Variants in SLC19A1 observed in about 807,000 individuals in gnomAD.
SLC19A1 encodes reduced folate transporter.
SLC19A1 carries 37 observed loss-of-function variants against 35.3 expected under a neutral mutation model. That is an observed-to-expected ratio of 1.05 (90% CI 0.81 to 1.38). SLC19A1 has a LOEUF of 1.38. SLC19A1 is among the 40% of genes most tolerant of loss of function. The pLI is 0.00. For missense variants in SLC19A1, 831 were observed against 826.9 expected (o/e 1.00, Z -0.06); for synonymous variants, 460 against 398.5 (o/e 1.15, Z -1.84).
intron 1 of SLC19A1, among the ~76,000 whole-genome samples, chr21:45,560,002 G>T (rs908353354): frequency 7.9e-5 from 12 of 152,184 alleles, no homozygotes; most frequent in Non-Finnish European, 1.6e-4. Flanking sequence ...GGGCCAAAAC[G>T]TCGGAAATGC....
In SLC19A1 at chr21:45,515,653, G is replaced by A. The variant is rs772298872; in HGVS notation, c.*5C>T. 80 of 1,613,164 alleles carry A rather than the reference G, an allele frequency of 5.0e-5. No homozygotes were observed. Among genetic ancestry groups the A allele is most frequent in the Non-Finnish European group, 6.1e-5 (72 of 1,180,002 alleles). On this transcript the variant is annotated 3_prime_UTR_variant, in exon 6 of 6. Transcript: ENST00000311124. Reference sequence around the variant, plus strand: ...CTGCAAAGTTACCACAGGGGCGCCCGAGAGTCACTGGTTCACATTCTGAAC... The same window carrying A: ...CTGCAAAGTTACCACAGGGGCGCCCAAGAGTCACTGGTTCACATTCTGAAC...
chr21:45,503,801 A>T (rs566434095), intron 3 of SLC19A1: 3 of 311,368 alleles, frequency 9.6e-6, no homozygotes, highest in African/African-American at 4.4e-5. Flanking sequence ...AATTTAAAAA[A>T]TTTAAAAATA....
At chr21:45,547,483 C>T (rs1435465688), upstream of SLC19A1, among the ~76,000 whole-genome samples, 1 of 152,238 alleles carries the variant, frequency 6.6e-6, no homozygotes, top group Non-Finnish European at 1.5e-5. Context: ...TGATAAGAAT[C>T]ATTTAGAATC....
downstream of SLC19A1, among the ~76,000 whole-genome samples, chr21:45,508,113 G>C (rs56388421): frequency 1.3e-5 from 2 of 149,680 alleles, no homozygotes; most frequent in Non-Finnish European, 1.5e-5. Flanking sequence ...GTGGTCAGGC[G>C]GGTGAGTGGA....
chr21:45,559,141 A>G (rs968073121), intron 1 of SLC19A1, among the ~76,000 whole-genome samples: 5 of 152,194 alleles, frequency 3.3e-5, no homozygotes, highest in African/African-American at 7.2e-5. Flanking sequence ...CAATAACTAC[A>G]TAAATTTGGG....
downstream of SLC19A1, chr21:45,510,136 T>C (rs2146126709): frequency 6.2e-7 from 1 of 1,600,618 alleles, no homozygotes. Context: ...CTTCCAGTGC[T>C]TCCAGCAGGC....
At chr21:45,542,520 T>C (rs1170109289), upstream of SLC19A1, 2 of 150,650 alleles carry the variant, frequency 1.3e-5, no homozygotes, top group African/African-American at 4.9e-5. Flanking sequence ...GGGCGGGGCC[T>C]CGCGCGTGGC....
chr21:45,527,010 T>C (rs2077643713), intron 4 of SLC19A1, among the ~76,000 whole-genome samples: 1 of 152,222 alleles, frequency 6.6e-6, no homozygotes. Context: ...ATTCAGAAAA[T>C]CATCATCAAG....
Position 45,538,003 on chromosome 21 carries a change from C to T in SLC19A1, c.-44G>A, listed in dbSNP as rs962370986. On this transcript the variant is annotated 5_prime_UTR_variant, in exon 2 of 6. Transcript: ENST00000311124. ...AGCTCCGGAGGGGACGAAGGTGACGCTGTGCCTGGAAGGAGGGGTGGAGTC... is the reference window on the plus strand; with the variant it reads ...AGCTCCGGAGGGGACGAAGGTGACGTTGTGCCTGGAAGGAGGGGTGGAGTC... 3.9e-5 allele frequency: 56 copies of T among 1,425,786 alleles called. No homozygotes were observed. The highest frequency in any genetic ancestry group is 4.9e-5 in the Non-Finnish European group (53 of 1,079,364). 88.3% of individuals were successfully genotyped at this position (1,425,786 alleles called of 1,614,324 possible). A position where few individuals can be genotyped will look rare whatever the true frequency, so the allele number is the denominator to read the frequency against.
chr21:45,542,680 C>G (rs2078350844), upstream of SLC19A1, among the ~76,000 whole-genome samples: 1 of 151,466 alleles, frequency 6.6e-6, no homozygotes. Flanking sequence ...CCCCTGACCC[C>G]GACCGCCCCT....
At chr21:45,529,685 ATG>A (rs1233235554) in intron 4 of SLC19A1, among the ~76,000 whole-genome samples, 1 of 149,070 alleles carries the variant, frequency 6.7e-6, no homozygotes, top group East Asian at 2.0e-4. Context: ...ATGTGTGAGC[ATG>A]TGTTGTGTGT....
chr21:45,505,113 G>T, intron 3 of SLC19A1: 1 of 1,605,150 alleles, frequency 6.2e-7, no homozygotes, highest in Middle Eastern at 1.7e-4. Context: ...ACCAGGAAGC[G>T]TCTCTTGTCG....
intron 5 of SLC19A1, among the ~76,000 whole-genome samples, chr21:45,524,062 G>A (rs1339156501): frequency 6.6e-6 from 1 of 151,838 alleles, no homozygotes. Flanking sequence ...CACCTGTCCT[G>A]AGCGTTCACC....
chr21:45,510,987 CCACACACACAACACA>C, downstream of SLC19A1: 5 of 38,668 alleles, frequency 1.3e-4, 2 homozygotes, highest in Non-Finnish European at 1.0e-4. Context: ...CCCCCACACC[CCACACACACAACACA>C]CCCCCCCCCC....
chr21:45,546,852 C>T (rs1021201786), upstream of SLC19A1, among the ~76,000 whole-genome samples: 7 of 152,124 alleles, frequency 4.6e-5, no homozygotes, highest in South Asian at 2.1e-4. Flanking sequence ...CATCAAGCTC[C>T]GCCACAATCA....
At chr21:45,505,057 C>G in intron 3 of SLC19A1, 1 of 1,552,146 alleles carries the variant, frequency 6.4e-7, no homozygotes, top group Non-Finnish European at 8.7e-7. Context: ...GTCTTGGCAG[C>G]TGCAGCCCCA....
intron 4 of SLC19A1, among the ~76,000 whole-genome samples, chr21:45,527,234 T>G (rs1209640481): frequency 1.6e-3 from 62 of 37,742 alleles, no homozygotes; most frequent in African/African-American, 2.0e-3. Flanking sequence ...GAGTGGCAAT[T>G]GGGGGGGAGG....
chr21:45,535,725 G>C (rs1176856575), intron 2 of SLC19A1, among the ~76,000 whole-genome samples: 1 of 152,220 alleles, frequency 6.6e-6, no homozygotes, highest in Non-Finnish European at 1.5e-5. Context: ...ACCTGCAGTG[G>C]GAGAAGCCGG....
At chr21:45,545,603 C>T (rs940465180), upstream of SLC19A1, among the ~76,000 whole-genome samples, 21 of 152,086 alleles carry the variant, frequency 1.4e-4, no homozygotes, top group African/African-American at 4.8e-4. Context: ...CGTACACACA[C>T]GTACAGACAC....
Sources: gnomAD v4.1 joint callset for allele counts (sites outside exome capture counted in the v4.1 genomes callset) on GRCh38, gnomAD v4.1.1 for gene constraint, MANE v1.5 for transcripts, NCBI Gene and HGNC (gene_info 2026-07-23, HGNC 2026-07-21) for gene names.